RBFOX1: variants seen among roughly 807,000 people sequenced by gnomAD.
RBFOX1 encodes the protein RNA binding protein fox-1 homolog 1.
In RBFOX1, 8 loss-of-function variants were observed where a neutral mutation model predicts 57.7. The observed-to-expected ratio is 0.14, with a 90% CI of 0.08 to 0.25. RBFOX1 has a LOEUF of 0.25. RBFOX1 is among the 10% of genes least tolerant of loss of function. The pLI is 1.00. For synonymous variants in RBFOX1, 326 were observed against 222.4 expected, an observed-to-expected ratio of 1.47 and a Z score of -4.15; for missense variants, 611 against 548.5, an observed-to-expected ratio of 1.11 and a Z score of -1.14.
intron 1 of RBFOX1, among the ~76,000 whole-genome samples, chr16:5,452,852 C>T (rs1002801045): frequency 1.3e-5 from 2 of 151,846 alleles, no homozygotes; most frequent in African/African-American, 2.4e-5. Context: ...TCAGGCTGGC[C>T]TCGAGTTCCT....
rs186892859 is a variant in RBFOX1 at position 6,910,633 on chromosome 16, C to G, written c.-15-141424C>G. On this transcript the variant is annotated intron_variant, in intron 3 of 15. Transcript: ENST00000550418. Reference sequence around the variant, plus strand: ...TTTATGGGAGAAGGCAGTTTCCCATCTTTGTCAGTTTCTAGAGGCCACCTG... The same window carrying G: ...TTTATGGGAGAAGGCAGTTTCCCATGTTTGTCAGTTTCTAGAGGCCACCTG... Among the ~76,000 whole-genome samples, 90 of 152,290 alleles carry G rather than the reference C, an allele frequency of 5.9e-4. No homozygotes were observed. The East Asian group carries it at 0.011, about 19-fold the overall frequency.
At chr16:5,983,746 C>G (rs188286287) in intron 4 of RBFOX1, among the ~76,000 whole-genome samples, 1 of 152,248 alleles carries the variant, frequency 6.6e-6, no homozygotes, top group Non-Finnish European at 1.5e-5. Context: ...GTTTCTTCCA[C>G]TCCTGGAGTC....
At position 7,518,188 on chromosome 16, in the gene RBFOX1, G is replaced by A; in HGVS notation, c.69G>A (p.Gln23=). 6.2e-7 allele frequency: 1 copy of A among 1,614,016 alleles called. No homozygotes were observed. The highest frequency in any genetic ancestry group is 8.5e-7 in the Non-Finnish European group (1 of 1,179,952). The change falls in exon 5 of 16, where the codon CAG becomes CAA. Residue 23 remains glutamine, a synonymous_variant. Coordinates refer to ENST00000550418, the MANE Select transcript of RBFOX1 (RefSeq NM_018723.4). ...CCGCTGCCCCTGACACAATGGCTCA[G>A]CCTTACGCTTCGGCCCAGTTTGCTC... ...EAAAAPDTMA[Q]PYASAQFAPP...
At chr16:6,417,061 A>C (rs1288193778) in intron 2 of RBFOX1, among the ~76,000 whole-genome samples, 1 of 151,884 alleles carries the variant, frequency 6.6e-6, no homozygotes, top group Non-Finnish European at 1.5e-5. Flanking sequence ...ACCCAGGCTA[A>C]AGTACAATGG....
intron 2 of RBFOX1, among the ~76,000 whole-genome samples, chr16:5,480,825 T>C (rs1007861543): frequency 1.3e-5 from 2 of 152,262 alleles, no homozygotes; most frequent in African/African-American, 4.8e-5. Flanking sequence ...GGATGTACCA[T>C]GACTTGTTTG....
At chr16:6,747,486 G>A (rs370737933) in intron 3 of RBFOX1, among the ~76,000 whole-genome samples, 2 of 139,098 alleles carry the variant, frequency 1.4e-5, no homozygotes, top group South Asian at 2.4e-4. Context: ...TTATCTATCT[G>A]TCTATCTGTC....
In RBFOX1 at chr16:7,392,648, C is replaced by G. The variant is rs150889039; in HGVS notation, c.28-125499C>G. ...TTCTCCTAATCCCCTATAGGTTAAG[C>G]TGAGTAGGTGATAAAGCCCAAGTCA... On this transcript the variant is annotated intron_variant, in intron 4 of 15. Transcript: ENST00000550418. 1.7e-3 allele frequency among the ~76,000 whole-genome samples: 263 copies of G among 152,234 alleles called. 1 individual carries two copies. Among genetic ancestry groups the G allele is most frequent in the Middle Eastern group, 0.01 (3 of 294 alleles).
At chr16:6,151,206 C>A (rs2096795100) in intron 1 of RBFOX1, among the ~76,000 whole-genome samples, 1 of 152,128 alleles carries the variant, frequency 6.6e-6, no homozygotes, top group African/African-American at 2.4e-5. Flanking sequence ...GGGTGTTCTC[C>A]CAAGTTTGTG....
In RBFOX1 at chr16:7,059,051, G is replaced by C. The variant is rs145543574; in HGVS notation, c.27+6953G>C. On this transcript the variant is annotated intron_variant, in intron 4 of 15. Coordinates refer to ENST00000550418, the MANE Select transcript of RBFOX1 (RefSeq NM_018723.4). ...ACAAGCGAGTTTCTCATTTCTGCTAGATATGAGAGTGATGTGGATTGCATA... is the reference window on the plus strand; with the variant it reads ...ACAAGCGAGTTTCTCATTTCTGCTACATATGAGAGTGATGTGGATTGCATA... Among the ~76,000 whole-genome samples the C allele has an allele frequency of 3.5e-3, 535 of 152,280 alleles. 4 individuals carry two copies. Among genetic ancestry groups the C allele is most frequent in the Middle Eastern group, 0.014 (4 of 294 alleles).
chr16:6,863,449 T>A (rs1207456530), intron 3 of RBFOX1, among the ~76,000 whole-genome samples: 1 of 152,078 alleles, frequency 6.6e-6, no homozygotes, highest in Non-Finnish European at 1.5e-5. Flanking sequence ...TAAGCAAGTT[T>A]TGCCTTCTGC....
chr16:6,651,058 A>T (rs549291536), intron 2 of RBFOX1, among the ~76,000 whole-genome samples: 6 of 152,258 alleles, frequency 3.9e-5, no homozygotes, highest in Admixed American at 3.3e-4. Flanking sequence ...GTGCACCAAC[A>T]AGCCCAGCTA....
chr16:6,028,651 A>G lies in RBFOX1; in HGVS notation c.-127+8659A>G, dbSNP rs369909062. Among the ~76,000 whole-genome samples the G allele has an allele frequency of 1.7e-3, 266 of 152,184 alleles. 2 individuals are homozygous for G. The highest frequency in any genetic ancestry group is 6.0e-3 in the African/African-American group (249 of 41,528). The stretch of plus-strand genomic sequence containing the variant: ...AGCTGTAATTGTGCCACTGCACTCC[A>G]TCCTTGGCAACAGAGCAAGACCCTA... On this transcript the variant is annotated intron_variant, in intron 1 of 15. Transcript: ENST00000550418.
intron 4 of RBFOX1, among the ~76,000 whole-genome samples, chr16:5,902,527 C>T (rs1039452368): frequency 3.3e-5 from 5 of 152,076 alleles, no homozygotes; most frequent in African/African-American, 4.8e-5. Context: ...GTGATTCTCC[C>T]GCGCCAGCCA....
intron 3 of RBFOX1, among the ~76,000 whole-genome samples, chr16:6,754,546 C>G (rs2075473958): frequency 6.6e-6 from 1 of 152,120 alleles, no homozygotes; most frequent in Non-Finnish European, 1.5e-5. Flanking sequence ...TGCACTAATT[C>G]CCACATAGAA....
intron 4 of RBFOX1, among the ~76,000 whole-genome samples, chr16:7,403,568 C>T (rs1166921051): frequency 2.1e-5 from 3 of 146,176 alleles, no homozygotes; most frequent in Non-Finnish European, 4.5e-5. Context: ...AGAATCCCCC[C>T]CCCCCCACTT....
intron 4 of RBFOX1, among the ~76,000 whole-genome samples, chr16:7,093,820 G>C (rs2061259608): frequency 6.6e-6 from 1 of 151,878 alleles, no homozygotes; most frequent in African/African-American, 2.4e-5. Context: ...TTTCCTCTTT[G>C]TCTGTAAAGT....
chr16:5,938,490 A>C (rs534270787), intron 4 of RBFOX1, among the ~76,000 whole-genome samples: 1 of 152,284 alleles, frequency 6.6e-6, no homozygotes, highest in Admixed American at 6.5e-5. Flanking sequence ...CTCCGTGGCA[A>C]GTTGCAAAAT....
intron 1 of RBFOX1, among the ~76,000 whole-genome samples, chr16:6,042,350 C>T (rs1000187855): frequency 7.9e-5 from 12 of 152,048 alleles, no homozygotes; most frequent in Admixed American, 3.3e-4. Context: ...TTGTCCACCT[C>T]GGTCTCCCAA....
At chr16:6,842,655 T>TC (rs2093545063) in intron 3 of RBFOX1, among the ~76,000 whole-genome samples, 1 of 151,230 alleles carries the variant, frequency 6.6e-6, no homozygotes. Context: ...CTATTTGCTT[T>TC]TTTTTTTTTT....
Sources: allele counts gnomAD v4.1 joint callset (sites outside exome capture counted in the v4.1 genomes callset), GRCh38; gene constraint gnomAD v4.1.1; transcripts MANE v1.5; gene names NCBI Gene and HGNC (gene_info 2026-07-23, HGNC 2026-07-21).